WDPCP: variants seen among roughly 807,000 people sequenced by gnomAD.
WDPCP encodes WD repeat-containing and planar cell polarity effector protein fritz homolog.
Under a neutral mutation model 93.1 loss-of-function variants are expected in WDPCP, and 71 were observed. The observed-to-expected ratio is 0.76, with a 90% CI of 0.63 to 0.93. The LOEUF is 0.93. Ranked by LOEUF, WDPCP falls within the 40% of genes least tolerant of loss-of-function variation. WDPCP has a pLI of 0.00. For missense variants in WDPCP, 844 were observed against 887.4 expected, an observed-to-expected ratio of 0.95 and a Z score of 0.62; for synonymous variants, 315 against 315.0, an observed-to-expected ratio of 1.00 and a Z score of 0.00.
intron 3 of WDPCP, among the ~76,000 whole-genome samples, chr2:63,637,546 T>G (rs1202936191): frequency 6.6e-6 from 1 of 151,112 alleles, no homozygotes; most frequent in Non-Finnish European, 1.5e-5. Flanking sequence ...AAGGAACTCA[T>G]ACAGCTCAAT....
At chr2:63,718,802 AAAAC>A (rs1190828049) in intron 2 of WDPCP, among the ~76,000 whole-genome samples, 12 of 152,250 alleles carry the variant, frequency 7.9e-5, no homozygotes, top group African/African-American at 2.9e-4. Context: ...GAAAGGTTGA[AAAAC>A]AAAAGATGAA....
At chr2:63,549,057 T>C (rs1403377770) in intron 1 of WDPCP, among the ~76,000 whole-genome samples, 3 of 151,916 alleles carry the variant, frequency 2.0e-5, no homozygotes, top group Non-Finnish European at 4.4e-5. Context: ...AAGACCATCC[T>C]GGCCAACATG....
chr2:63,712,268 A>G (rs981559219), intron 2 of WDPCP, among the ~76,000 whole-genome samples: 1 of 152,240 alleles, frequency 6.6e-6, no homozygotes, highest in African/African-American at 2.4e-5. Flanking sequence ...TCATGTGGGC[A>G]GTGAACCCAG....
chr2:63,422,704 G>T (rs1260832641), intron 9 of WDPCP, among the ~76,000 whole-genome samples: 2 of 152,148 alleles, frequency 1.3e-5, no homozygotes, highest in African/African-American at 4.8e-5. Flanking sequence ...GAGAAAATAT[G>T]AAATTATGTG....
chr2:63,753,357 A>G (rs1669910917), intron 2 of WDPCP, among the ~76,000 whole-genome samples: 1 of 152,172 alleles, frequency 6.6e-6, no homozygotes, highest in Non-Finnish European at 1.5e-5. Context: ...TGAACCCAGG[A>G]GGCGGAGGTT....
chr2:63,803,816 T>C lies in WDPCP; in HGVS notation n.308+9806A>G, dbSNP rs115696440. ...ACTACATGTAAGGCATTTTCAGATA[T>C]GTTTTGGGAATTTAAGTTACAGAAC... On this transcript the variant is annotated intron_variant and non_coding_transcript_variant, in intron 2 of 4. Transcript: ENST00000467687. Among the ~76,000 whole-genome samples the C allele has an allele frequency of 2.1e-4, 32 of 152,340 alleles. No individual in the cohort carries two copies. The South Asian group carries it at 3.5e-3, about 17-fold the overall frequency.
intron 12 of WDPCP, among the ~76,000 whole-genome samples, chr2:63,348,729 T>A (rs1016175701): frequency 4.6e-5 from 7 of 152,064 alleles, no homozygotes; most frequent in Non-Finnish European, 1.0e-4. Context: ...TAAAATAAAT[T>A]AAAATAGAAA....
At chr2:63,574,778 C>T (rs879547488) in intron 1 of WDPCP, among the ~76,000 whole-genome samples, 3 of 152,142 alleles carry the variant, frequency 2.0e-5, no homozygotes, top group East Asian at 1.9e-4. Flanking sequence ...GGCCATGCTA[C>T]AACTCAGTAG....
At chr2:63,812,578 G>T (rs576775645) in intron 2 of WDPCP, among the ~76,000 whole-genome samples, 48 of 152,102 alleles carry the variant, frequency 3.2e-4, no homozygotes, top group African/African-American at 6.3e-4. Flanking sequence ...ACATCTGTTG[G>T]TTTTTTTCAA....
chr2:63,578,377 G>A (rs994867756), intron 1 of WDPCP, among the ~76,000 whole-genome samples: 1 of 152,148 alleles, frequency 6.6e-6, no homozygotes. Flanking sequence ...CTGTCTTTAG[G>A]ATGAAGAACA....
chr2:63,478,443 A>G (rs1700087592), intron 6 of WDPCP, among the ~76,000 whole-genome samples: 1 of 152,170 alleles, frequency 6.6e-6, no homozygotes, highest in Non-Finnish European at 1.5e-5. Flanking sequence ...AATAGGCCAC[A>G]AAACAAGTCT....
At chr2:63,520,910 A>C (rs1319459038) in intron 1 of WDPCP, among the ~76,000 whole-genome samples, 2 of 152,086 alleles carry the variant, frequency 1.3e-5, no homozygotes, top group African/African-American at 4.8e-5. Context: ...AAAAAAAAAA[A>C]AAAAAAGATT....
At chr2:63,684,814 A>C in intron 2 of WDPCP, 4 of 366,406 alleles carry the variant, frequency 1.1e-5, no homozygotes, top group Non-Finnish European at 1.6e-5. Context: ...AATCAATAAT[A>C]ATAGGAATTT....
intron 2 of WDPCP, among the ~76,000 whole-genome samples, chr2:63,804,311 C>T (rs1670733630): frequency 6.6e-6 from 1 of 150,446 alleles, no homozygotes; most frequent in Admixed American, 6.6e-5. Flanking sequence ...AGTGCAGTGG[C>T]ACCATCTCGG....
intron 12 of WDPCP, among the ~76,000 whole-genome samples, chr2:63,377,432 TA>T (rs1303479296): frequency 6.6e-6 from 1 of 151,450 alleles, no homozygotes; most frequent in East Asian, 1.9e-4. Flanking sequence ...AAGAATACTA[TA>T]CATATATGTA....
chr2:63,684,434 G>T, intron 2 of WDPCP: 1 of 848,594 alleles, frequency 1.2e-6, no homozygotes, highest in Non-Finnish European at 2.0e-6. Flanking sequence ...ACCTCTGGTG[G>T]CTGGAATTGA....
intron 2 of WDPCP, among the ~76,000 whole-genome samples, chr2:63,668,045 G>C (rs1041956700): frequency 6.6e-6 from 1 of 152,132 alleles, no homozygotes; most frequent in African/African-American, 2.4e-5. Flanking sequence ...GCTAATTCAA[G>C]TCTAATACTA....
At chr2:63,293,188 C>T (rs181016437) in intron 13 of WDPCP, among the ~76,000 whole-genome samples, 1 of 152,130 alleles carries the variant, frequency 6.6e-6, no homozygotes, top group African/African-American at 2.4e-5. Context: ...TTCTTTCTTG[C>T]CCCTTTGCGA....
intron 2 of WDPCP, among the ~76,000 whole-genome samples, chr2:63,812,259 T>C (rs1670873544): frequency 6.6e-6 from 1 of 152,174 alleles, no homozygotes; most frequent in African/African-American, 2.4e-5. Context: ...TGTTCTTTTT[T>C]TATGGCACCG....
Sources: gnomAD v4.1 joint callset for allele counts (sites outside exome capture counted in the v4.1 genomes callset) on GRCh38, gnomAD v4.1.1 for gene constraint, MANE v1.5 for transcripts, NCBI Gene and HGNC (gene_info 2026-07-23, HGNC 2026-07-21) for gene names.